Variants in RALB observed in about 807,000 individuals in gnomAD.
The protein encoded by RALB is ras-related protein Ral-B.
Under a neutral mutation model 21.3 loss-of-function variants are expected in RALB, and 16 were observed. That is an observed-to-expected ratio of 0.75 (90% CI 0.51 to 1.14). The LOEUF (loss-of-function observed/expected upper bound fraction) is 1.14, where lower values mean the gene tolerates loss of function less well. Among genes scored for constraint, RALB ranks in the 50% most tolerant of loss-of-function variants. The pLI is 0.00. For synonymous variants in RALB, 93 were observed against 96.1 expected (o/e 0.97, Z 0.19); for missense variants, 161 against 256.2 (o/e 0.63, Z 2.54).
intron 1 of RALB, among the ~76,000 whole-genome samples, chr2:120,266,661 T>G (rs1253974506): frequency 6.6e-6 from 1 of 152,130 alleles, no homozygotes; most frequent in Non-Finnish European, 1.5e-5. Flanking sequence ...TAGTGAGTCA[T>G]GATCACGCCA....
At chr2:120,244,638 A>T (rs1044748674) in intron 1 of RALB, among the ~76,000 whole-genome samples, 2 of 152,048 alleles carry the variant, frequency 1.3e-5, no homozygotes, top group African/African-American at 2.4e-5. Context: ...CCATCCATCC[A>T]TCCATTTATC....
intron 2 of RALB, among the ~76,000 whole-genome samples, chr2:120,279,870 G>A (rs1689942004): frequency 6.6e-6 from 1 of 152,242 alleles, no homozygotes; most frequent in Non-Finnish European, 1.5e-5. Context: ...TATGCTGGGT[G>A]CAGCTGGAGT....
chr2:120,263,211 C>T (rs1689414345), intron 1 of RALB, among the ~76,000 whole-genome samples: 1 of 152,236 alleles, frequency 6.6e-6, no homozygotes, highest in Admixed American at 6.5e-5. Flanking sequence ...CACTGTCGCC[C>T]AGGCTGGAGT....
chr2:120,257,143 A>G (rs1259071672), intron 1 of RALB, among the ~76,000 whole-genome samples: 2 of 152,250 alleles, frequency 1.3e-5, no homozygotes, highest in African/African-American at 4.8e-5. Context: ...AAGTTGGTAA[A>G]AAAATATTGC....
chr2:120,253,108 G>A, intron 1 of RALB, 128 bp downstream of exon 1: 1 of 627,766 alleles, frequency 1.6e-6, no homozygotes, highest in Non-Finnish European at 2.0e-6. Context: ...AGGACATGTC[G>A]CGCCCCGAGG....
intron 4 of RALB, among the ~76,000 whole-genome samples, chr2:120,292,752 G>T (rs1690335307): frequency 6.6e-6 from 1 of 151,802 alleles, no homozygotes; most frequent in African/African-American, 2.4e-5. Context: ...AGGAGTTCAA[G>T]ACCCGCCTGG....
At chr2:120,277,216 T>G (rs1689818921) in intron 1 of RALB, among the ~76,000 whole-genome samples, 1 of 152,168 alleles carries the variant, frequency 6.6e-6, no homozygotes, top group Admixed American at 6.6e-5. Context: ...TGGGGCTGTG[T>G]AAGAGTGTGA....
rs1690370322 is a variant in RALB, at chr2:120,294,174, G to T, written c.*914G>T. 1.0e-5 allele frequency: 4 copies of T among 398,446 alleles called. No homozygotes were observed. The highest frequency in any genetic ancestry group is 1.8e-5 in the Non-Finnish European group (4 of 226,076). 24.7% of individuals were successfully genotyped at this position (398,446 alleles called of 1,614,324 possible). Reference sequence around the variant, plus strand: ...CACACGGAGGTCTAGTGAGCCTCTTGCTAAGTGTCACACACACTCTTCCCA... The same window carrying T: ...CACACGGAGGTCTAGTGAGCCTCTTTCTAAGTGTCACACACACTCTTCCCA... On this transcript the variant is annotated 3_prime_UTR_variant, in exon 5 of 5. Coordinates refer to ENST00000272519, the MANE Select transcript of RALB (RefSeq NM_002881.3).
At chr2:120,245,461 G>GC (rs1688955761) in intron 1 of RALB, among the ~76,000 whole-genome samples, 1 of 152,148 alleles carries the variant, frequency 6.6e-6, no homozygotes, top group African/African-American at 2.4e-5. Context: ...GGCCACACCT[G>GC]CCCTAAACAA....
chr2:120,282,718 G>A (rs1399218679), intron 2 of RALB, among the ~76,000 whole-genome samples: 2 of 152,174 alleles, frequency 1.3e-5, no homozygotes, highest in African/African-American at 4.8e-5. Context: ...GAACTGGAAA[G>A]TGGCAGTTAT....
At chr2:120,259,233 T>C (rs925255873) in intron 1 of RALB, among the ~76,000 whole-genome samples, 2 of 152,226 alleles carry the variant, frequency 1.3e-5, no homozygotes, top group Non-Finnish European at 2.9e-5. Flanking sequence ...CAATGCTGGC[T>C]CGGGCAGCCT....
Position 120,287,812 on chromosome 2 carries a change from A to G in RALB, c.323+1730A>G, listed in dbSNP as rs191333536. ...AGGACAGATGAATACCTAAAACCAGAAAGAAGGGGAAGTTGACCTCTGCGT... is the reference window on the plus strand; with the variant it reads ...AGGACAGATGAATACCTAAAACCAGGAAGAAGGGGAAGTTGACCTCTGCGT... On this transcript the variant is annotated intron_variant, in intron 3 of 4. Transcript: ENST00000272519. Among the ~76,000 whole-genome samples the G allele has an allele frequency of 2.5e-3, 377 of 152,370 alleles. 1 individual carries two copies. The highest frequency in any genetic ancestry group is 8.7e-3 in the African/African-American group (360 of 41,584).
chr2:120,269,512 T>G (rs1221219463), intron 1 of RALB, among the ~76,000 whole-genome samples: 1 of 152,112 alleles, frequency 6.6e-6, no homozygotes, highest in Non-Finnish European at 1.5e-5. Flanking sequence ...TGCTGATTGG[T>G]CCATTTTAGA....
chr2:120,292,899 T>TAATTAG lies in RALB; in HGVS notation c.502-237_502-232dup, dbSNP rs1482060793. ...TTGTATGAGAGATGTTTGCTTTGTA[T>TAATTAG]AATTAGAATTTTTTAAGGTTAATTT... On this transcript the variant is annotated intron_variant, in intron 4 of 4. Transcript: ENST00000272519. 1.5e-4 allele frequency among the ~76,000 whole-genome samples: 23 copies of TAATTAG among 152,268 alleles called. 1 individual carries two copies. Among genetic ancestry groups the TAATTAG allele is most frequent in the Admixed American group, 1.5e-3 (23 of 15,292 alleles).
At position 120,277,310 on chromosome 2, in the gene RALB, G is replaced by C. The variant is rs1482142460; in HGVS notation, c.-47-1308G>C. Among the ~76,000 whole-genome samples, 3 of 151,890 alleles carry C rather than the reference G, an allele frequency of 2.0e-5. No individual in the cohort carries two copies. The East Asian group carries it at 5.8e-4, about 30-fold the overall frequency. The stretch of plus-strand genomic sequence containing the variant: ...GAGAGCGTGTGTGTTCTGTGAACGT[G>C]TTACAGCATGTGAGATTGTGTGTGG... On this transcript the variant is annotated intron_variant, in intron 1 of 4. Transcript: ENST00000272519.
intron 1 of RALB, among the ~76,000 whole-genome samples, chr2:120,261,651 G>T (rs1039063516): frequency 1.1e-4 from 16 of 152,198 alleles, no homozygotes; most frequent in African/African-American, 3.9e-4. Context: ...GCTGGGTGCA[G>T]GTGCTGAAAA....
intron 2 of RALB, among the ~76,000 whole-genome samples, chr2:120,285,582 C>G (rs1242689555): frequency 1.5e-5 from 2 of 134,878 alleles, no homozygotes; most frequent in African/African-American, 2.8e-5. Context: ...AAAAAGAATT[C>G]CAGTTTCTCA....
intron 1 of RALB, among the ~76,000 whole-genome samples, chr2:120,245,487 C>A (rs1688955987): frequency 6.6e-6 from 1 of 152,144 alleles, no homozygotes; most frequent in Non-Finnish European, 1.5e-5. Flanking sequence ...TCAGGGCCTG[C>A]CGAGCCCTGG....
intron 1 of RALB, among the ~76,000 whole-genome samples, chr2:120,263,373 G>A (rs545955088): frequency 5.3e-5 from 8 of 152,132 alleles, no homozygotes; most frequent in Non-Finnish European, 1.2e-4. Flanking sequence ...TGCCCAGGCT[G>A]GTCTTAAACT....
Sources: gnomAD v4.1 joint callset for allele counts (sites outside exome capture counted in the v4.1 genomes callset) on GRCh38, gnomAD v4.1.1 for gene constraint, MANE v1.5 for transcripts, NCBI Gene and HGNC (gene_info 2026-07-23, HGNC 2026-07-21) for gene names.